The following QKI variants were observed in gnomAD, a reference collection of about 807,000 sequenced individuals.
The protein encoded by QKI is KH domain-containing RNA-binding protein QKI.
QKI carries 10 observed loss-of-function variants against 39.0 expected under a neutral mutation model. The ratio of observed to expected loss-of-function variants is 0.26; its 90% CI spans 0.16 to 0.43. The LOEUF is 0.43. Ranked by LOEUF, QKI falls within the 20% of genes least tolerant of loss-of-function variation. The probability of loss-of-function intolerance (pLI) is 1.00; values close to 1 mark genes in which losing one functional copy is unlikely to be tolerated. For synonymous variants in QKI, 204 were observed against 155.4 expected, an observed-to-expected ratio of 1.31 and a Z score of -2.33; for missense variants, 218 against 428.0, an observed-to-expected ratio of 0.51 and a Z score of 4.33.
At chr6:163,419,607 C>G (rs1277819150) in intron 1 of QKI, among the ~76,000 whole-genome samples, 1 of 152,118 alleles carries the variant, frequency 6.6e-6, no homozygotes, top group Non-Finnish European at 1.5e-5. Context: ...GAGGTGTCAG[C>G]AGCTATATAT....
intron 4 of QKI, among the ~76,000 whole-genome samples, chr6:163,550,372 C>G (rs1782150780): frequency 6.6e-6 from 1 of 152,116 alleles, no homozygotes; most frequent in South Asian, 2.1e-4. Flanking sequence ...TGGCAGAGCT[C>G]TCATGATCCA....
At chr6:163,553,114 ATTTT>A (rs1554277952) in intron 4 of QKI, among the ~76,000 whole-genome samples, 4 of 80,310 alleles carry the variant, frequency 5.0e-5, no homozygotes, top group South Asian at 3.7e-4. Context: ...TTATTTATTT[ATTTT>A]TTGAGATGGA....
intron 2 of QKI, among the ~76,000 whole-genome samples, chr6:163,461,692 C>T (rs1337441635): frequency 6.6e-6 from 1 of 152,144 alleles, no homozygotes. Flanking sequence ...CAGTGCTATC[C>T]ATATTCCAGG....
intron 1 of QKI, among the ~76,000 whole-genome samples, chr6:163,439,770 C>T (rs1789623425): frequency 6.6e-6 from 1 of 151,714 alleles, no homozygotes. Context: ...ATGTCTCAGC[C>T]TCCCGAGTAG....
At chr6:163,567,291 C>T in intron 7 of QKI, 14 of 986,474 alleles carry the variant, frequency 1.4e-5, no homozygotes, top group Non-Finnish European at 1.7e-5. Context: ...ACTGTATAAA[C>T]ATGAGGGTGC....
chr6:163,527,645 G>T lies in QKI; in HGVS notation c.403-7337G>T, dbSNP rs553964788. Among the ~76,000 whole-genome samples, 6 of 152,024 alleles carry T rather than the reference G, an allele frequency of 3.9e-5. No individual in the cohort carries two copies. In the East Asian group the frequency reaches 9.7e-4, roughly 24 times the overall value. On this transcript the variant is annotated intron_variant, in intron 3 of 7. Transcript: ENST00000361752. ...TAGAGCATACTTTTAAACTTCATAG[G>T]GCAGCGATTCATAAAGTTTTTCAAA...
intron 3 of QKI, among the ~76,000 whole-genome samples, chr6:163,491,618 A>C (rs1778059879): frequency 6.6e-6 from 1 of 152,224 alleles, no homozygotes; most frequent in East Asian, 1.9e-4. Flanking sequence ...GAAGAGTACA[A>C]AACAGTGCAA....
At chr6:163,505,052 G>A (rs1217201054) in intron 3 of QKI, among the ~76,000 whole-genome samples, 1 of 152,174 alleles carries the variant, frequency 6.6e-6, no homozygotes, top group Admixed American at 6.5e-5. Context: ...AGGGCCTGAG[G>A]TACAGCTTGG....
Position 163,415,295 on chromosome 6 carries a change from C to T in QKI, c.102C>T (p.Phe34=), listed in dbSNP as rs764704966. The change falls in exon 1 of 8, where the codon TTC becomes TTT. Residue 34 remains phenylalanine, a synonymous_variant. Coordinates refer to ENST00000361752, the MANE Select transcript of QKI (RefSeq NM_006775.3). ...AGCTCATGAGCAGCCTGCCCAACTT[C>T]TGCGGGATCTTCAACCACCTCGAGC... is the stretch of plus-strand genomic sequence containing the variant. ...DKKLMSSLPN[F]CGIFNHLERL... The T allele has an allele frequency of 6.3e-6, 10 of 1,595,106 alleles. No homozygotes were observed. The highest frequency in any genetic ancestry group is 2.3e-5 in the East Asian group (1 of 43,956).
In QKI at chr6:163,414,829, G is replaced by C. The variant is rs1582936206; in HGVS notation, c.-365G>C. ...CGGCGCTGAGCGGGCTCGACCAGCC[G>C]AGCGAGCGGCGGCCCCGGCTCCTCC... is the stretch of plus-strand genomic sequence containing the variant. On this transcript the variant is annotated 5_prime_UTR_variant, in exon 1 of 8. Coordinates refer to ENST00000361752, the MANE Select transcript of QKI (RefSeq NM_006775.3). 1 of 143,264 alleles carries C rather than the reference G, an allele frequency of 7.0e-6. No individual in the cohort carries two copies. Among genetic ancestry groups the C allele is most frequent in the African/African-American group, 2.5e-5 (1 of 39,648 alleles). The allele number at this position is 143,264 out of a possible 1,614,324, so 8.9% of individuals were successfully genotyped here. A position where few individuals can be genotyped will look rare whatever the true frequency, so the allele number is the denominator to read the frequency against.
chr6:163,511,277 AC>A (rs1488077925), intron 3 of QKI, among the ~76,000 whole-genome samples: 2 of 152,196 alleles, frequency 1.3e-5, no homozygotes, highest in South Asian at 2.1e-4. Flanking sequence ...TTGGAATAAA[AC>A]TACAATTATC....
At chr6:163,454,176 C>T (rs779501547) in intron 1 of QKI, among the ~76,000 whole-genome samples, 2 of 152,118 alleles carry the variant, frequency 1.3e-5, no homozygotes, top group Non-Finnish European at 2.9e-5. Context: ...TTAATAATGA[C>T]AACCCTTATT....
intron 6 of QKI, chr6:163,565,126 AT>A: frequency 3.0e-6 from 3 of 1,008,274 alleles, no homozygotes; most frequent in Non-Finnish European, 3.6e-6. Flanking sequence ...GCAGGTCAGA[AT>A]TATACCACAG....
chr6:163,534,240 T>C (rs988024198), intron 3 of QKI, among the ~76,000 whole-genome samples: 7 of 152,192 alleles, frequency 4.6e-5, no homozygotes, highest in East Asian at 1.9e-4. Context: ...AAATGAAATA[T>C]AGATATTCTC....
intron 4 of QKI, among the ~76,000 whole-genome samples, chr6:163,548,904 A>T (rs1304500055): frequency 1.3e-5 from 2 of 152,204 alleles, no homozygotes; most frequent in Non-Finnish European, 2.9e-5. Flanking sequence ...TTAAGTGGTA[A>T]TATAGACTGG....
chr6:163,558,082 G>T (rs994212995), intron 4 of QKI, among the ~76,000 whole-genome samples: 4 of 152,184 alleles, frequency 2.6e-5, no homozygotes, highest in African/African-American at 9.7e-5. Context: ...AGGATACTTT[G>T]TGAACTATCT....
At chr6:163,481,232 CAT>C (rs10574000) in intron 3 of QKI, among the ~76,000 whole-genome samples, 6,536 of 150,700 alleles carry the variant, frequency 0.043, 468 homozygotes, top group African/African-American at 0.15. Context: ...TATATATAGA[CAT>C]GTGTGTATAT....
chr6:163,421,960 A>T (rs1788027452), intron 1 of QKI, among the ~76,000 whole-genome samples: 2 of 151,708 alleles, frequency 1.3e-5, no homozygotes, highest in Non-Finnish European at 2.9e-5. Flanking sequence ...GGCCAGGCTG[A>T]TCTTGAACTC....
chr6:163,564,647 C>T, intron 6 of QKI: 1 of 1,613,880 alleles, frequency 6.2e-7, no homozygotes. Flanking sequence ...AAAGACATTA[C>T]TGATGCCTTT....
Sources: gnomAD v4.1 joint callset for allele counts (sites outside exome capture counted in the v4.1 genomes callset) on GRCh38, gnomAD v4.1.1 for gene constraint, MANE v1.5 for transcripts, NCBI Gene and HGNC (gene_info 2026-07-23, HGNC 2026-07-21) for gene names.